The following ZBTB20 variants were observed in gnomAD, a reference collection of about 807,000 sequenced individuals.
The protein encoded by ZBTB20 is zinc finger and BTB domain containing 20.
A neutral mutation model predicts 56.9 loss-of-function variants in ZBTB20; 9 were observed. The observed-to-expected ratio is 0.16, with a 90% confidence interval of 0.10 to 0.28. The LOEUF (loss-of-function observed/expected upper bound fraction) is 0.28. Ranked by LOEUF, ZBTB20 falls within the 10% of genes least tolerant of loss-of-function variation. The pLI is 1.00. For missense variants in ZBTB20, 655 were observed against 1,003.0 expected (o/e 0.65, Z 4.69); for synonymous variants, 417 against 420.7 (o/e 0.99, Z 0.11).
chr3:114,964,705 G>C (rs143416285), intron 3 of ZBTB20, among the ~76,000 whole-genome samples: 2 of 152,220 alleles, frequency 1.3e-5, no homozygotes, highest in East Asian at 3.9e-4. Flanking sequence ...GGGGGGTGAT[G>C]GGAAGAGATA....
intron 7 of ZBTB20, among the ~76,000 whole-genome samples, chr3:114,409,536 CA>C (rs1478961101): frequency 2.0e-5 from 3 of 151,748 alleles, no homozygotes; most frequent in Admixed American, 2.0e-4. Context: ...GCGAGAGCTC[CA>C]AAAAACACTC....
chr3:114,646,655 C>T (rs1420632893), intron 6 of ZBTB20, among the ~76,000 whole-genome samples: 1 of 152,182 alleles, frequency 6.6e-6, no homozygotes, highest in Admixed American at 6.5e-5. Context: ...TGTAATGATG[C>T]CAATCTAATT....
chr3:114,674,079 C>G (rs1196498647), intron 6 of ZBTB20, among the ~76,000 whole-genome samples: 1 of 152,140 alleles, frequency 6.6e-6, no homozygotes, highest in African/African-American at 2.4e-5. Flanking sequence ...CCGTCTTCAG[C>G]TCTTACATTA....
At chr3:114,617,722 G>T (rs1357146049) in intron 6 of ZBTB20, among the ~76,000 whole-genome samples, 1 of 152,106 alleles carries the variant, frequency 6.6e-6, no homozygotes, top group African/African-American at 2.4e-5. Flanking sequence ...CTGCCACACA[G>T]ACTTCCTTGT....
chr3:115,010,123 G>T (rs761021078), intron 2 of ZBTB20, among the ~76,000 whole-genome samples: 2 of 151,868 alleles, frequency 1.3e-5, no homozygotes, highest in African/African-American at 2.4e-5. Context: ...AGGGAGTATG[G>T]AAGGTTTTCT....
At chr3:114,632,688 A>G (rs1193716347) in intron 6 of ZBTB20, among the ~76,000 whole-genome samples, 1 of 152,242 alleles carries the variant, frequency 6.6e-6, no homozygotes, top group African/African-American at 2.4e-5. Context: ...AGGACATATA[A>G]TATTAATGCA....
intron 2 of ZBTB20, among the ~76,000 whole-genome samples, chr3:115,067,375 A>G (rs1329249553): frequency 6.6e-6 from 1 of 152,080 alleles, no homozygotes; most frequent in Admixed American, 6.6e-5. Context: ...CGAGTTAGTC[A>G]AATGTCATGA....
At chr3:115,032,031 G>A (rs2080706811) in intron 2 of ZBTB20, among the ~76,000 whole-genome samples, 2 of 151,370 alleles carry the variant, frequency 1.3e-5, no homozygotes, top group African/African-American at 4.8e-5. Context: ...GGCTTTCAAG[G>A]GAAGTGGGAA....
chr3:114,563,435 T>C (rs1201472867), intron 6 of ZBTB20, among the ~76,000 whole-genome samples: 3 of 152,168 alleles, frequency 2.0e-5, no homozygotes, highest in South Asian at 2.1e-4. Context: ...AGAATCCTCA[T>C]GAAGTACTTA....
rs1682327946 is a variant in ZBTB20, at chr3:114,328,700, T to C, written c.*10305A>G. The C allele has an allele frequency of 1.3e-5, 2 of 152,190 alleles. No homozygotes were observed. Among genetic ancestry groups the C allele is most frequent in the South Asian group, 2.1e-4 (1 of 4,834 alleles). 9.4% of individuals were successfully genotyped at this position (152,190 alleles called of 1,614,324 possible). A position where few individuals can be genotyped will look rare whatever the true frequency, so the allele number is the denominator to read the frequency against. On this transcript the variant is annotated 3_prime_UTR_variant, in exon 12 of 12. Coordinates refer to ENST00000675478, the MANE Select transcript of ZBTB20 (RefSeq NM_001348800.3). ...ACTCTGCCTACGAGTCTCAAGTTTA[T>C]GAACTCACTCACTTTAGTGTTCTTT...
chr3:114,445,014 C>T (rs1282003920), intron 7 of ZBTB20, among the ~76,000 whole-genome samples: 2 of 152,150 alleles, frequency 1.3e-5, no homozygotes, highest in Non-Finnish European at 2.9e-5. Flanking sequence ...ATCTAAAGCC[C>T]CTTCAAGCTC....
intron 3 of ZBTB20, 22 bp downstream of exon 3, chr3:114,974,344 G>A (rs2078012782): frequency 6.6e-6 from 1 of 152,004 alleles, no homozygotes; most frequent in Non-Finnish European, 1.5e-5. Context: ...AGCCCATTCA[G>A]GAAAATACCA....
chr3:114,679,199 A>G (rs570828793), intron 6 of ZBTB20, among the ~76,000 whole-genome samples: 8 of 152,350 alleles, frequency 5.3e-5, no homozygotes, highest in African/African-American at 1.9e-4. Context: ...AACCTAGGCA[A>G]TACCATTCAG....
chr3:115,073,399 G>A (rs1246819998), intron 1 of ZBTB20, among the ~76,000 whole-genome samples: 1 of 152,080 alleles, frequency 6.6e-6, no homozygotes, highest in African/African-American at 2.4e-5. Context: ...TGGCATTGGA[G>A]GGTTTCCCTA....
At chr3:114,728,066 T>C (rs1408946944) in intron 5 of ZBTB20, among the ~76,000 whole-genome samples, 2 of 152,192 alleles carry the variant, frequency 1.3e-5, no homozygotes, top group Non-Finnish European at 2.9e-5. Context: ...TACCTGTTGT[T>C]AAATATCTTC....
chr3:115,032,525 A>G (rs1272655728), intron 2 of ZBTB20, among the ~76,000 whole-genome samples: 1 of 151,424 alleles, frequency 6.6e-6, no homozygotes, highest in Non-Finnish European at 1.5e-5. Context: ...GTAATACAAG[A>G]AACAATAACA....
At chr3:114,655,263 T>G (rs2060339958) in intron 6 of ZBTB20, among the ~76,000 whole-genome samples, 1 of 144,296 alleles carries the variant, frequency 6.9e-6, no homozygotes, top group Non-Finnish European at 1.5e-5. Context: ...TTTTTTTTTT[T>G]GAGACGGAGT....
chr3:114,630,352 G>C (rs574346967), intron 6 of ZBTB20, among the ~76,000 whole-genome samples: 62 of 152,282 alleles, frequency 4.1e-4, no homozygotes, highest in African/African-American at 1.4e-3. Context: ...CAGAGAAGTT[G>C]CTGGGGAGCT....
chr3:114,595,910 T>C (rs2056276777), intron 6 of ZBTB20, among the ~76,000 whole-genome samples: 2 of 152,354 alleles, frequency 1.3e-5, no homozygotes, highest in South Asian at 2.1e-4. Context: ...CAATATGCTA[T>C]CATCTAGGGC....
Sources: gnomAD v4.1 joint callset for allele counts (sites outside exome capture counted in the v4.1 genomes callset) on GRCh38, gnomAD v4.1.1 for gene constraint, MANE v1.5 for transcripts, NCBI Gene and HGNC (gene_info 2026-07-23, HGNC 2026-07-21) for gene names.